The following NMNAT2 variants were observed in gnomAD, a reference collection of about 807,000 sequenced individuals.
NMNAT2 encodes the protein nicotinamide/nicotinic acid mononucleotide adenylyltransferase 2.
NMNAT2 carries 11 observed loss-of-function variants against 41.6 expected under a neutral mutation model. That is an observed-to-expected ratio of 0.26 (90% CI 0.17 to 0.44). The LOEUF is 0.44. Ranked by LOEUF, NMNAT2 falls within the 20% of genes least tolerant of loss-of-function variation. The probability of loss-of-function intolerance (pLI) is 1.00; values close to 1 mark genes in which losing one functional copy is unlikely to be tolerated. For missense variants in NMNAT2, 288 were observed against 407.7 expected, an observed-to-expected ratio of 0.71 and a Z score of 2.53; for synonymous variants, 148 against 151.2, an observed-to-expected ratio of 0.98 and a Z score of 0.16.
Position 183,293,729 on chromosome 1 carries a change from AG to A in NMNAT2, c.149del (p.Pro50LeufsTer57). 6.2e-7 allele frequency: 1 copy of A among 1,614,014 alleles called. No individual in the cohort carries two copies. Among genetic ancestry groups the A allele is most frequent in the Non-Finnish European group, 8.5e-7 (1 of 1,179,852 alleles). Reference protein sequence around the residue: ...RFIVIGGIVSPVHDSYGKQGL... With the variant: ...RFIVIGGIVSXVHDSYGKQGL... ...CCTGTTTTCCATAGGAGTCGTGGAC[AG>A]GGGAGACAATCCCGCCAATCACAAT... On this transcript the variant is annotated frameshift_variant, in exon 2 of 11. Transcript: ENST00000287713. LOFTEE classifies it high-confidence loss of function.
At chr1:183,359,620 T>G (rs891117815) in intron 1 of NMNAT2, among the ~76,000 whole-genome samples, 1 of 152,168 alleles carries the variant, frequency 6.6e-6, no homozygotes, top group Admixed American at 6.5e-5. Context: ...GAGGGCATCT[T>G]GTCCTTGTAA....
At chr1:183,304,119 T>C (rs779868742) in intron 1 of NMNAT2, among the ~76,000 whole-genome samples, 1 of 152,074 alleles carries the variant, frequency 6.6e-6, no homozygotes, top group Non-Finnish European at 1.5e-5. Context: ...TTACCAATAC[T>C]TATGTGACTT....
Position 183,252,596 on chromosome 1 carries a change from G to A in NMNAT2, c.*45C>T. ...AGAGGCAGGAGAGAAACAGGGGGCT[G>A]ACAAAGATGGAGGGGCCATTGTGTT... On this transcript the variant is annotated 3_prime_UTR_variant, in exon 11 of 11. Coordinates refer to ENST00000287713, the MANE Select transcript of NMNAT2 (RefSeq NM_015039.4). 1.5e-6 allele frequency: 2 copies of A among 1,310,396 alleles called. No homozygotes were observed. The highest frequency in any genetic ancestry group is 1.2e-5 in the South Asian group (1 of 85,034). 81.2% of individuals were successfully genotyped at this position (1,310,396 alleles called of 1,614,324 possible).
At chr1:183,254,793 G>A (rs1453846425) in intron 10 of NMNAT2, among the ~76,000 whole-genome samples, 1 of 152,160 alleles carries the variant, frequency 6.6e-6, no homozygotes, top group African/African-American at 2.4e-5. Flanking sequence ...AGTTGTGTAA[G>A]TTCTTTATAA....
chr1:183,374,296 A>AC (rs71127347), intron 1 of NMNAT2, among the ~76,000 whole-genome samples: 78,507 of 151,896 alleles, frequency 0.52, 21,391 homozygotes, highest in East Asian at 0.65. Context: ...ATCTGCTTGC[A>AC]CCCCCCTGGC....
intron 1 of NMNAT2, among the ~76,000 whole-genome samples, chr1:183,324,989 A>G (rs1254127564): frequency 6.6e-6 from 1 of 152,174 alleles, no homozygotes; most frequent in Non-Finnish European, 1.5e-5. Context: ...CACAGGGTGG[A>G]TGTGGGTTCA....
At chr1:183,303,730 G>A (rs1477524768) in intron 1 of NMNAT2, among the ~76,000 whole-genome samples, 1 of 152,230 alleles carries the variant, frequency 6.6e-6, no homozygotes, top group Non-Finnish European at 1.5e-5. Flanking sequence ...TTTCCAGTGA[G>A]ATAGTTCTAC....
intron 1 of NMNAT2, among the ~76,000 whole-genome samples, chr1:183,373,235 G>A (rs1315366410): frequency 4.6e-5 from 7 of 152,218 alleles, no homozygotes; most frequent in African/African-American, 1.4e-4. Flanking sequence ...TGAAAAGGTA[G>A]GGCAACATTG....
At chr1:183,338,908 C>CGGGCTATG (rs1557882643) in intron 1 of NMNAT2, among the ~76,000 whole-genome samples, 1 of 152,046 alleles carries the variant, frequency 6.6e-6, no homozygotes, top group Non-Finnish European at 1.5e-5. Flanking sequence ...CACTCTGTCT[C>CGGGCTATG]GGGCTATGAG....
At chr1:183,418,137 A>T (rs781172503) in intron 1 of NMNAT2, 46 bp downstream of exon 1, 1 of 1,549,318 alleles carries the variant, frequency 6.5e-7, no homozygotes, top group Non-Finnish European at 8.9e-7. Flanking sequence ...TGCCTGGGAA[A>T]GGAGAGGAGC....
intron 1 of NMNAT2, among the ~76,000 whole-genome samples, chr1:183,360,824 A>G (rs1663291520): frequency 6.6e-6 from 1 of 152,220 alleles, no homozygotes; most frequent in Admixed American, 6.5e-5. Flanking sequence ...TTTTTCCCCA[A>G]GCACAAGTGT....
chr1:183,261,336 AC>A, intron 8 of NMNAT2, 33 bp from the exon 9 acceptor site: 1 of 1,565,682 alleles, frequency 6.4e-7, no homozygotes, highest in South Asian at 1.1e-5. Context: ...CTTTGGTGAA[AC>A]CCTGATCCCA....
At chr1:183,340,663 C>G (rs745886219) in intron 1 of NMNAT2, among the ~76,000 whole-genome samples, 5 of 152,182 alleles carry the variant, frequency 3.3e-5, no homozygotes, top group Non-Finnish European at 7.4e-5. Context: ...GACTGGGAAG[C>G]TTTGCAAAAA....
intron 1 of NMNAT2, among the ~76,000 whole-genome samples, chr1:183,313,594 C>T (rs896181384): frequency 2.0e-5 from 3 of 152,130 alleles, no homozygotes; most frequent in African/African-American, 7.2e-5. Context: ...ATTCTCATGC[C>T]TCTGCCTCAG....
chr1:183,305,580 G>T (rs1053944333), intron 1 of NMNAT2, among the ~76,000 whole-genome samples: 3 of 152,106 alleles, frequency 2.0e-5, no homozygotes, highest in Non-Finnish European at 4.4e-5. Context: ...GGTAAAACAG[G>T]TGACAGAATA....
intron 1 of NMNAT2, among the ~76,000 whole-genome samples, chr1:183,394,064 G>C (rs910221796): frequency 1.3e-5 from 2 of 152,206 alleles, no homozygotes; most frequent in African/African-American, 4.8e-5. Context: ...AGGGAAAAGA[G>C]ATAGAGGTTG....
At chr1:183,316,906 C>A (rs1055990140) in intron 1 of NMNAT2, among the ~76,000 whole-genome samples, 16 of 152,330 alleles carry the variant, frequency 1.1e-4, no homozygotes, top group Admixed American at 1.0e-3. Context: ...GACTCTAAGT[C>A]AGCATCCTTG....
At chr1:183,352,892 G>C (rs1353403033) in intron 1 of NMNAT2, among the ~76,000 whole-genome samples, 1 of 152,216 alleles carries the variant, frequency 6.6e-6, no homozygotes, top group African/African-American at 2.4e-5. Flanking sequence ...TTCTCTGACT[G>C]CTGCTGAGAT....
chr1:183,320,569 T>A (rs1397236664), intron 1 of NMNAT2, among the ~76,000 whole-genome samples: 1 of 152,154 alleles, frequency 6.6e-6, no homozygotes, highest in Non-Finnish European at 1.5e-5. Context: ...TCAACTGCAC[T>A]CCAGCCTGGG....
Sources: gnomAD v4.1 joint callset for allele counts (sites outside exome capture counted in the v4.1 genomes callset) on GRCh38, gnomAD v4.1.1 for gene constraint, MANE v1.5 for transcripts, NCBI Gene and HGNC (gene_info 2026-07-23, HGNC 2026-07-21) for gene names.